The following KIAA1217 variants were observed in gnomAD, a reference collection of about 807,000 sequenced individuals.
The protein encoded by KIAA1217 is sickle tail protein homolog.
In KIAA1217, 88 loss-of-function variants were observed where a neutral mutation model predicts 163.9. That is an observed-to-expected ratio of 0.54 (90% CI 0.45 to 0.64). The LOEUF is 0.64. Among genes scored for constraint, KIAA1217 ranks in the 30% least tolerant of loss-of-function variants. The pLI, the probability that KIAA1217 is intolerant of heterozygous loss-of-function variation, is 0.00. For synonymous variants in KIAA1217, 903 were observed against 923.1 expected, an observed-to-expected ratio of 0.98 and a Z score of 0.39; for missense variants, 2,372 against 2,475.0, an observed-to-expected ratio of 0.96 and a Z score of 0.88.
chr10:24,174,227 A>G (rs1031355871), intron 2 of KIAA1217, among the ~76,000 whole-genome samples: 2 of 152,220 alleles, frequency 1.3e-5, no homozygotes, highest in African/African-American at 2.4e-5. Context: ...AGTATGACTC[A>G]GAGACCACAA....
chr10:24,179,203 A>G (rs1396239872), intron 2 of KIAA1217, among the ~76,000 whole-genome samples: 1 of 152,234 alleles, frequency 6.6e-6, no homozygotes. Context: ...AAGACAAAGT[A>G]AAAGGCTTTT....
chr10:24,042,349 C>G (rs1476455002), intron 2 of KIAA1217: 3 of 151,742 alleles, frequency 2.0e-5, no homozygotes, highest in African/African-American at 7.3e-5. Context: ...CTGCCATCAG[C>G]TAGGCGGGAT....
chr10:24,473,925 C>G lies in KIAA1217; in HGVS notation c.1544C>G (p.Pro515Arg). 6.2e-7 allele frequency: 1 copy of G among 1,614,186 alleles called. No individual in the cohort carries two copies. The highest frequency in any genetic ancestry group is 8.5e-7 in the Non-Finnish European group (1 of 1,180,040). Reference sequence around the variant, plus strand: ...AGCCGCCAGGCCTTTAAAAAGGAGCCAGGCACCTTGGTGTATATAGAAAAG... The same window carrying G: ...AGCCGCCAGGCCTTTAAAAAGGAGCGAGGCACCTTGGTGTATATAGAAAAG... ...SPSRQAFKKE[P>R]GTLVYIEKPR... The change falls in exon 6 of 21, where the codon CCA (proline) becomes CGA (arginine). Residue 515 changes from proline to arginine, a missense_variant. By Grantham distance (103) the Pro-to-Arg change is moderately radical. Around this residue, in one of 3 missense-constraint regions of KIAA1217, gnomAD observed 1,431 missense variants for 1,470.3 expected, o/e 0.97. Coordinates refer to ENST00000376454, the MANE Select transcript of KIAA1217 (RefSeq NM_019590.5).
chr10:24,057,753 GT>G (rs910554036), intron 2 of KIAA1217, among the ~76,000 whole-genome samples: 4 of 151,996 alleles, frequency 2.6e-5, no homozygotes, highest in African/African-American at 9.7e-5. Flanking sequence ...AGATTATTAG[GT>G]TTTTTTGCTA....
At chr10:23,898,914 C>T (rs972067038) in intron 1 of KIAA1217, among the ~76,000 whole-genome samples, 3 of 152,082 alleles carry the variant, frequency 2.0e-5, no homozygotes, top group Non-Finnish European at 4.4e-5. Flanking sequence ...GAATTTCCTT[C>T]CTTTTAAAGG....
At chr10:23,919,012 G>A (rs996932977) in intron 1 of KIAA1217, among the ~76,000 whole-genome samples, 3 of 152,132 alleles carry the variant, frequency 2.0e-5, no homozygotes, top group Non-Finnish European at 2.9e-5. Context: ...CATGTGGACA[G>A]GCATTGGTCA....
chr10:23,869,124 GTTTTTTTTT>G (rs58288361), intron 1 of KIAA1217, among the ~76,000 whole-genome samples: 5 of 31,722 alleles, frequency 1.6e-4, no homozygotes, highest in African/African-American at 3.6e-4. Context: ...ATGAAATGTA[GTTTTTTTTT>G]TTTTTTTTTT....
At chr10:24,160,486 A>G (rs1031205927) in intron 2 of KIAA1217, among the ~76,000 whole-genome samples, 2 of 152,112 alleles carry the variant, frequency 1.3e-5, no homozygotes, top group African/African-American at 4.8e-5. Context: ...ATGCTATATG[A>G]ATGGTATTTT....
intron 2 of KIAA1217, among the ~76,000 whole-genome samples, chr10:24,287,115 A>T (rs1221187293): frequency 6.6e-6 from 1 of 151,270 alleles, no homozygotes; most frequent in Non-Finnish European, 1.5e-5. Flanking sequence ...AGTTGGTGTG[A>T]TCTCGGCTCA....
intron 2 of KIAA1217, among the ~76,000 whole-genome samples, chr10:24,248,382 T>C (rs1480481357): frequency 1.3e-5 from 2 of 152,106 alleles, no homozygotes; most frequent in African/African-American, 4.8e-5. Flanking sequence ...TACCGAAATG[T>C]CCTTTAGGCC....
intron 3 of KIAA1217, among the ~76,000 whole-genome samples, chr10:24,396,262 G>A (rs4596972): frequency 0.016 from 2,370 of 152,136 alleles, 60 homozygotes; most frequent in African/African-American, 0.05. Context: ...ACTTGAGCCC[G>A]GGAAGCGGAG....
chr10:24,140,798 C>T (rs139642038), intron 2 of KIAA1217, among the ~76,000 whole-genome samples: 16 of 152,226 alleles, frequency 1.1e-4, no homozygotes, highest in South Asian at 4.1e-4. Flanking sequence ...TTAGTGGTTG[C>T]GAACGTTACC....
chr10:24,505,226 A>C (rs539116289), intron 9 of KIAA1217, among the ~76,000 whole-genome samples: 1 of 149,448 alleles, frequency 6.7e-6, no homozygotes, highest in Non-Finnish European at 1.5e-5. Context: ...CAAACAATGC[A>C]CCTCATTCCC....
At position 24,546,564 on chromosome 10, in the gene KIAA1217, CAT is replaced by C; in HGVS notation, c.*241_*242del. On this transcript the variant is annotated 3_prime_UTR_variant, in exon 21 of 21. Transcript: ENST00000376454. Reference sequence around the variant, plus strand: ...CTCAATACCTATAAAATGCAGTAAGCATGTGTTACAGAAAGAGGTTCTGGTGG... The same window carrying C: ...CTCAATACCTATAAAATGCAGTAAGCGTGTTACAGAAAGAGGTTCTGGTGG... 4.7e-6 allele frequency: 2 copies of C among 423,198 alleles called. No homozygotes were observed. The highest frequency in any genetic ancestry group is 8.3e-6 in the Non-Finnish European group (2 of 240,902). 26.2% of individuals were successfully genotyped at this position (423,198 alleles called of 1,614,324 possible).
chr10:24,147,970 G>T (rs2064415002), intron 2 of KIAA1217, among the ~76,000 whole-genome samples: 1 of 151,390 alleles, frequency 6.6e-6, no homozygotes, highest in Admixed American at 6.6e-5. Context: ...TACACTTAGT[G>T]CATGTATTAC....
chr10:24,528,113 C>A lies in KIAA1217; in HGVS notation c.3076C>A (p.Leu1026Ile), dbSNP rs2072479082. 2 of 1,613,726 alleles carry A rather than the reference C, an allele frequency of 1.2e-6. No homozygotes were observed. The highest frequency in any genetic ancestry group is 1.7e-5 in the Admixed American group (1 of 59,956). ...RGDAPVDKVE[L>I]SEDSPNSEQD... ...AGATGCCCCAGTGGACAAGGTGGAA[C>A]TTTCAGGTAAGTTCCGGTCCCACAG... Residue 1026 changes from leucine to isoleucine, a missense_variant, in exon 14 of 21, where the codon CTT becomes ATT. Physicochemically the swap from Leu to Ile is conservative, Grantham distance 5. Transcript: ENST00000376454.
Position 24,537,899 on chromosome 10 carries a change from A to G in KIAA1217, c.3534+1006A>G, listed in dbSNP as rs1379547605. Among the ~76,000 whole-genome samples, 7 of 152,310 alleles carry G rather than the reference A, an allele frequency of 4.6e-5. No homozygotes were observed. The East Asian group carries it at 1.4e-3, about 29-fold the overall frequency. On this transcript the variant is annotated intron_variant, in intron 17 of 20. Coordinates refer to ENST00000376454, the MANE Select transcript of KIAA1217 (RefSeq NM_019590.5). ...CCATAGCCTGAATGTTTGAAATGCA[A>G]CTTTAAGTTGCACCTAGAGCATCTC...
At chr10:24,068,165 G>A (rs183078231) in intron 2 of KIAA1217, among the ~76,000 whole-genome samples, 10 of 152,254 alleles carry the variant, frequency 6.6e-5, no homozygotes, top group Non-Finnish European at 1.3e-4. Flanking sequence ...CCCACTGTCC[G>A]GCACTCCCCT....
At chr10:24,090,164 CTTTTTTTTTTTTT>C (rs1162687231) in intron 2 of KIAA1217, among the ~76,000 whole-genome samples, 1 of 109,238 alleles carries the variant, frequency 9.2e-6, no homozygotes. Flanking sequence ...TTTTCTTTTT[CTTTTTTTTTTTTT>C]TTTTTTTGAG....
Sources: gnomAD v4.1 joint callset for allele counts (sites outside exome capture counted in the v4.1 genomes callset) on GRCh38, gnomAD v4.1.1 for gene constraint, gnomAD v4.1.1 regional missense constraint, MANE v1.5 for transcripts, NCBI Gene and HGNC (gene_info 2026-07-23, HGNC 2026-07-21) for gene names.